Variants in NIPAL3 observed in about 807,000 individuals in gnomAD.
NIPAL3 encodes the protein NIPA-like protein 3.
A neutral mutation model predicts 47.2 loss-of-function variants in NIPAL3; 41 were observed. The observed-to-expected ratio is 0.87, with a 90% CI of 0.68 to 1.13. The LOEUF is 1.13. Ranked by LOEUF, NIPAL3 falls within the 50% of genes most tolerant of loss-of-function variation. The probability of loss-of-function intolerance (pLI) is 0.00; values close to 1 mark genes in which losing one functional copy is unlikely to be tolerated. For missense variants in NIPAL3, 449 were observed against 530.1 expected, an observed-to-expected ratio of 0.85 and a Z score of 1.50; for synonymous variants, 194 against 209.6, an observed-to-expected ratio of 0.93 and a Z score of 0.64.
At position 24,449,047 on chromosome 1, in the gene NIPAL3, A is replaced by G. The variant is rs4617345; in HGVS notation, c.395-434A>G. ...ATCATGCTGAGTCAAAAGAGATCAC[A>G]CCGTATGGGTCCATTTGTATAAAGC... On this transcript the variant is annotated intron_variant, in intron 5 of 11. Coordinates refer to ENST00000374399, the MANE Select transcript of NIPAL3 (RefSeq NM_020448.5). This position sits in a 1 kb window ranked among gnomAD's most constrained non-coding sequence, Gnocchi z 4.5. Among the ~76,000 whole-genome samples the G allele has an allele frequency of 6.6e-6, 1 of 152,224 alleles. No homozygotes were observed. Among genetic ancestry groups the G allele is most frequent in the Admixed American group, 6.5e-5 (1 of 15,284 alleles).
At chr1:24,464,235 T>C in intron 11 of NIPAL3, 115 bp downstream of exon 11, 1 of 710,468 alleles carries the variant, frequency 1.4e-6, no homozygotes, top group Non-Finnish European at 2.2e-6. Flanking sequence ...GACTGTTCTC[T>C]CACTGTCTTT....
chr1:24,421,099 C>G (rs1215000398), intron 2 of NIPAL3, among the ~76,000 whole-genome samples: 11 of 152,072 alleles, frequency 7.2e-5, no homozygotes, highest in Non-Finnish European at 1.6e-4. Flanking sequence ...GGGTGGATGG[C>G]TTGACCTCTG....
chr1:24,437,069 G>A (rs929664030), intron 2 of NIPAL3, among the ~76,000 whole-genome samples: 2 of 151,982 alleles, frequency 1.3e-5, no homozygotes, highest in Non-Finnish European at 2.9e-5. Flanking sequence ...GGATAACACG[G>A]TGAAACCCAC....
At chr1:24,423,137 G>T (rs1218101270) in intron 2 of NIPAL3, among the ~76,000 whole-genome samples, 1 of 152,230 alleles carries the variant, frequency 6.6e-6, no homozygotes, top group East Asian at 1.9e-4. Context: ...TGGTCAGCTT[G>T]AGTGAATACT....
Position 24,460,476 on chromosome 1 carries a change from T to C in NIPAL3, c.863-5T>C, listed in dbSNP as rs201651123. 2.9e-4 allele frequency: 466 copies of C among 1,586,110 alleles called. 1 individual carries two copies. The highest frequency in any genetic ancestry group is 3.4e-4 in the Non-Finnish European group (399 of 1,169,204). On this transcript the variant is annotated splice_region_variant and splice_polypyrimidine_tract_variant and intron_variant, in intron 9 of 11. Coordinates refer to ENST00000374399, the MANE Select transcript of NIPAL3 (RefSeq NM_020448.5). ...AGCGGTATTTTCTATGATTTGCTGC[T>C]GCAGGTGCAATATTTTACCTGGACT...
rs1410240910 is a variant in NIPAL3 at position 24,449,060 on chromosome 1, A to G, written c.395-421A>G. On this transcript the variant is annotated intron_variant, in intron 5 of 11. Transcript: ENST00000374399. The surrounding 1 kb of genome is among the most constrained non-coding windows in gnomAD (Gnocchi z 4.5). ...AAAAGAGATCACACCGTATGGGTCCATTTGTATAAAGCACAAAGCTAGGCA... is the reference window on the plus strand; with the variant it reads ...AAAAGAGATCACACCGTATGGGTCCGTTTGTATAAAGCACAAAGCTAGGCA... Among the ~76,000 whole-genome samples the G allele has an allele frequency of 6.6e-6, 1 of 152,230 alleles. No homozygotes were observed. The highest frequency in any genetic ancestry group is 1.5e-5 in the Non-Finnish European group (1 of 68,046).
intron 7 of NIPAL3, 100 bp from the exon 8 acceptor site, chr1:24,456,036 CCT>C (rs1448173087): frequency 3.2e-5 from 45 of 1,398,490 alleles, no homozygotes; most frequent in Non-Finnish European, 4.3e-5. Flanking sequence ...TGTTCCCTCC[CCT>C]CTGTCTCCCC....
At chr1:24,415,796 A>C (rs546428208), upstream of NIPAL3, 14 of 975,216 alleles carry the variant, frequency 1.4e-5, no homozygotes, top group African/African-American at 2.5e-4. Context: ...GCATCTTGGC[A>C]GCTCTGAATT....
intron 10 of NIPAL3, among the ~76,000 whole-genome samples, chr1:24,463,257 TAAA>T: frequency 6.6e-6 from 1 of 152,182 alleles, no homozygotes; most frequent in East Asian, 1.9e-4. Flanking sequence ...AAACCAGACA[TAAA>T]AGAGTACATA....
chr1:24,445,363 G>A, intron 5 of NIPAL3, 119 bp downstream of exon 5: 1 of 685,164 alleles, frequency 1.5e-6, no homozygotes. Context: ...GTGGTTCTAT[G>A]TTCTGCCCTC....
At chr1:24,444,409 G>T (rs78501971) in intron 4 of NIPAL3, among the ~76,000 whole-genome samples, 2,070 of 152,278 alleles carry the variant, frequency 0.014, 54 homozygotes, top group African/African-American at 0.048. Context: ...GATTTGTAGC[G>T]CTTGCCAGTT....
Position 24,440,214 on chromosome 1 carries a change from G to A in NIPAL3, c.136G>A (p.Val46Met), listed in dbSNP as rs776277982. ...GALLAIFGHL[V>M]VSIALNLQKY... ...CCTCTTGGCGATCTTCGGGCACCTCGTGGTCAGCATTGCACTTAACCTCCA... is the reference window on the plus strand; with the variant it reads ...CCTCTTGGCGATCTTCGGGCACCTCATGGTCAGCATTGCACTTAACCTCCA... The change falls in exon 3 of 12, where the codon GTG becomes ATG. Residue 46 changes from valine (V) to methionine (M), a missense_variant. Transcript: ENST00000374399. The A allele has an allele frequency of 1.1e-5, 17 of 1,597,546 alleles. No individual in the cohort carries two copies. Among genetic ancestry groups the A allele is most frequent in the East Asian group, 2.3e-5 (1 of 43,624 alleles).
At position 24,449,519 on chromosome 1, in the gene NIPAL3, G is replaced by C; in HGVS notation, c.433G>C (p.Val145Leu). ...VLSFVGCGLA[V>L]VGTYLLVTFA... ...GTCCTTTGTTGGCTGCGGTTTGGCT[G>C]TCGTGGGTACCTACCTGCTGGTGAC... Residue 145 changes from valine to leucine, a missense_variant, in exon 6 of 12, where the codon GTC becomes CTC. By Grantham distance (32) the Val-to-Leu change is conservative. Coordinates refer to ENST00000374399, the MANE Select transcript of NIPAL3 (RefSeq NM_020448.5). This position sits in a 1 kb window ranked among gnomAD's most constrained non-coding sequence, Gnocchi z 4.5. The C allele has an allele frequency of 6.2e-7, 1 of 1,614,010 alleles. No individual in the cohort carries two copies. The highest frequency in any genetic ancestry group is 8.5e-7 in the Non-Finnish European group (1 of 1,180,036).
chr1:24,466,263 C>T (rs1646694470), intron 11 of NIPAL3: 5 of 515,896 alleles, frequency 9.7e-6, no homozygotes, highest in Non-Finnish European at 1.4e-5. Flanking sequence ...TGGATCAGGA[C>T]ACAAGCAGGT....
Position 24,442,235 on chromosome 1 carries a change from AG to A in NIPAL3, c.334+12del, listed in dbSNP as rs764729629. 3 of 1,612,538 alleles carry A rather than the reference AG, an allele frequency of 1.9e-6. No homozygotes were observed. In the East Asian group the frequency reaches 6.7e-5, roughly 36 times the overall value. On this transcript the variant is annotated intron_variant, in intron 4 of 11. Coordinates refer to ENST00000374399, the MANE Select transcript of NIPAL3 (RefSeq NM_020448.5). ...CGCAGTTTCTGTGATAGGTAAGACC[AG>A]GGCTGCCCCACCCTCCCCTGGGGTG...
intron 11 of NIPAL3, chr1:24,465,451 T>A (rs1646658666): frequency 6.6e-6 from 1 of 151,770 alleles, no homozygotes; most frequent in Non-Finnish European, 1.5e-5. Context: ...ATAGATGTAT[T>A]TTCTGGTGGA....
At chr1:24,421,802 T>TC (rs1173860905) in intron 2 of NIPAL3, 1 of 152,152 alleles carries the variant, frequency 6.6e-6, no homozygotes, top group Non-Finnish European at 1.5e-5. Context: ...ACCATCTTTA[T>TC]CCCCACTTTA....
At chr1:24,461,782 T>C (rs956249508) in intron 10 of NIPAL3, among the ~76,000 whole-genome samples, 1 of 151,600 alleles carries the variant, frequency 6.6e-6, no homozygotes, top group Non-Finnish European at 1.5e-5. Flanking sequence ...GGCAGGAGAA[T>C]CACTTGAACC....
At chr1:24,444,408 C>T (rs1645552520) in intron 4 of NIPAL3, among the ~76,000 whole-genome samples, 3 of 152,138 alleles carry the variant, frequency 2.0e-5, no homozygotes, top group South Asian at 4.2e-4. Context: ...TGATTTGTAG[C>T]GCTTGCCAGT....
Sources: allele counts gnomAD v4.1 joint callset (sites outside exome capture counted in the v4.1 genomes callset), GRCh38; gene constraint gnomAD v4.1.1; non-coding constraint Gnocchi (gnomAD v3.1); transcripts MANE v1.5; gene names NCBI Gene and HGNC (gene_info 2026-07-23, HGNC 2026-07-21).